Variants in ABCC10 observed in about 807,000 individuals in gnomAD.
The protein encoded by ABCC10 is ATP binding cassette subfamily C member 10.
Under a neutral mutation model 143.2 loss-of-function variants are expected in ABCC10, and 110 were observed. The ratio of observed to expected loss-of-function variants is 0.77; its 90% confidence interval spans 0.66 to 0.90. The LOEUF is 0.90. Among genes scored for constraint, ABCC10 ranks in the 40% least tolerant of loss-of-function variants. The pLI is 0.00. For missense variants in ABCC10, 1,700 were observed against 1,900.5 expected (o/e 0.89, Z 1.96); for synonymous variants, 805 against 846.7 (o/e 0.95, Z 0.85).
At chr6:43,439,341 AC>A (rs1309733947) in intron 8 of ABCC10, among the ~76,000 whole-genome samples, 1 of 151,968 alleles carries the variant, frequency 6.6e-6, no homozygotes, top group Non-Finnish European at 1.5e-5. Flanking sequence ...AGCACTTTTA[AC>A]CTTGACCATG....
intron 8 of ABCC10, 147 bp from the exon 9 acceptor site, chr6:43,441,715 C>T (rs1453118127): frequency 3.4e-6 from 2 of 587,736 alleles, no homozygotes; most frequent in African/African-American, 3.7e-5. Context: ...TATGTCTTGT[C>T]TCCTCTGACT....
rs1048091057 is a variant in ABCC10, at chr6:43,438,161, G to C, written c.1955+148G>C. The C allele has an allele frequency of 5.0e-6, 5 of 1,008,058 alleles. No homozygotes were observed. In the African/African-American group the frequency reaches 6.5e-5, roughly 13 times the overall value. The allele number at this position is 1,008,058 out of a possible 1,614,324, so 62.4% of individuals were successfully genotyped here. Reference sequence around the variant, plus strand: ...ATTGGGAGAGTTTTCAATCTGGAAAGAAGGAGGTGGCCAAGAAAGCGAATC... The same window carrying C: ...ATTGGGAGAGTTTTCAATCTGGAAACAAGGAGGTGGCCAAGAAAGCGAATC... On this transcript the variant is annotated intron_variant, in intron 7 of 21. Transcript: ENST00000372530.
chr6:43,433,373 T>A lies in ABCC10; in HGVS notation c.1380+13T>A. ...TGCGCGGGTTAAGGTGAGCGGGTAC[T>A]TGGGGTCCCTCAGCTATCTGGAGAC... On this transcript the variant is annotated intron_variant, in intron 3 of 21. Transcript: ENST00000372530. 1 of 1,591,768 alleles carries A rather than the reference T, an allele frequency of 6.3e-7. No homozygotes were observed. Among genetic ancestry groups the A allele is most frequent in the Non-Finnish European group, 8.6e-7 (1 of 1,165,510 alleles).
intron 4 of ABCC10, 63 bp from the exon 5 acceptor site, chr6:43,435,688 C>T: frequency 1.3e-6 from 2 of 1,571,706 alleles, no homozygotes; most frequent in South Asian, 1.2e-5. Flanking sequence ...GTCCACAGGG[C>T]TTCCCATAGA....
In ABCC10 at chr6:43,434,830, C is replaced by T; in HGVS notation, c.1590C>T (p.His530=). The change falls in exon 4 of 22, where the codon CAC becomes CAT. Residue 530 remains histidine (H), a synonymous_variant. Coordinates refer to ENST00000372530, the MANE Select transcript of ABCC10 (RefSeq NM_001198934.2). ...VIFITYVLMG[H]QLTATKVFTA... is the part of the protein sequence containing the mutation. ...TCATCACCTATGTCCTCATGGGGCACCAGCTCACTGCCACCAAGGTGAGGA... is the reference window on the plus strand; with the variant it reads ...TCATCACCTATGTCCTCATGGGGCATCAGCTCACTGCCACCAAGGTGAGGA... The T allele has an allele frequency of 6.2e-7, 1 of 1,614,124 alleles. No individual in the cohort carries two copies. Among genetic ancestry groups the T allele is most frequent in the Non-Finnish European group, 8.5e-7 (1 of 1,180,000 alleles).
chr6:43,448,057 A>G, intron 18 of ABCC10, 120 bp downstream of exon 18: 1 of 1,468,634 alleles, frequency 6.8e-7, no homozygotes, highest in Non-Finnish European at 9.3e-7. Flanking sequence ...CAGGGGGCTG[A>G]AATGGAGGAC....
Position 43,438,765 on chromosome 6 carries a change from AG to A in ABCC10, c.2098del (p.Glu700LysfsTer74). 1 of 1,614,220 alleles carries A rather than the reference AG, an allele frequency of 6.2e-7. No individual in the cohort carries two copies. Among genetic ancestry groups the A allele is most frequent in the Non-Finnish European group, 8.5e-7 (1 of 1,180,038 alleles). On this transcript the variant is annotated frameshift_variant, in exon 8 of 22. Transcript: ENST00000372530. LOFTEE classifies it high-confidence loss of function. ...FDAQLYKEVL[E>X]ACALNDDLSI... ...ATGCACAGCTGTACAAGGAGGTGCT[AG>A]AAGCCTGCGCCCTCAATGATGACCT...
At chr6:43,428,673 G>A (rs1780763005) in intron 2 of ABCC10, among the ~76,000 whole-genome samples, 1 of 152,178 alleles carries the variant, frequency 6.6e-6, no homozygotes, top group South Asian at 2.1e-4. Context: ...GCTATAAGGT[G>A]TGGATGCTAA....
chr6:43,444,403 G>A, intron 12 of ABCC10, 50 bp downstream of exon 12: 1 of 1,540,002 alleles, frequency 6.5e-7, no homozygotes, highest in Non-Finnish European at 8.7e-7. Flanking sequence ...GTGCTGTCTA[G>A]GTGCCCATTA....
At chr6:43,437,632 C>A (rs1437072018) in intron 6 of ABCC10, among the ~76,000 whole-genome samples, 1 of 152,080 alleles carries the variant, frequency 6.6e-6, no homozygotes, top group East Asian at 1.9e-4. Flanking sequence ...TCAGAGTTTA[C>A]CTTGGAAGTT....
At chr6:43,427,868 C>T (rs1348203332) in intron 1 of ABCC10, 100 bp from the exon 2 acceptor site, 3 of 1,400,812 alleles carry the variant, frequency 2.1e-6, no homozygotes, top group East Asian at 2.3e-5. Context: ...CGGGCGGTCC[C>T]GGTTCCAGGG....
intron 2 of ABCC10, among the ~76,000 whole-genome samples, chr6:43,429,410 G>GTGTGTGTGTGTGT (rs555695734): frequency 1.5e-4 from 5 of 33,440 alleles, no homozygotes; most frequent in South Asian, 2.2e-3. Context: ...GTGTGTGTGT[G>GTGTGTGTGTGTGT]GCGGGGGGGA....
At chr6:43,433,409 C>G (rs559645654) in intron 3 of ABCC10, 49 bp downstream of exon 3, 9 of 1,529,310 alleles carry the variant, frequency 5.9e-6, no homozygotes, top group Admixed American at 2.0e-5. Context: ...CCCACCCAGC[C>G]CAGGTCCCCA....
At chr6:43,447,180 C>A in intron 16 of ABCC10, 68 bp from the exon 17 acceptor site, 1 of 1,551,906 alleles carries the variant, frequency 6.4e-7, no homozygotes, top group Non-Finnish European at 8.7e-7. Context: ...CAGTCCACAG[C>A]CTGGGGAGTC....
chr6:43,427,616 C>A lies in ABCC10; in HGVS notation c.-153C>A. The stretch of plus-strand genomic sequence containing the variant: ...GGGGTGCCAGCCGGGGCGGGCCCAG[C>A]ACCCCGGCCGGGCAGTACTTTTTTT... On this transcript the variant is annotated 5_prime_UTR_variant, in exon 1 of 22. Transcript: ENST00000372530. 5.9e-6 allele frequency: 2 copies of A among 340,224 alleles called. 1 individual carries two copies. The highest frequency in any genetic ancestry group is 5.0e-5 in the South Asian group (2 of 40,070). 21.1% of individuals were successfully genotyped at this position (340,224 alleles called of 1,614,324 possible). A position where few individuals can be genotyped will look rare whatever the true frequency, so the allele number is the denominator to read the frequency against.
chr6:43,442,861 G>T (rs1032111149), intron 9 of ABCC10, 109 bp from the exon 10 acceptor site: 20 of 1,009,494 alleles, frequency 2.0e-5, no homozygotes, highest in Non-Finnish European at 2.7e-5. Context: ...CTCTGCTAGT[G>T]TAGGGGTAGC....
Position 43,447,845 on chromosome 6 carries a change from G to A in ABCC10, c.3867G>A (p.Leu1289=). 1.2e-5 allele frequency: 19 copies of A among 1,613,880 alleles called. No homozygotes were observed. Among genetic ancestry groups the A allele is most frequent in the Non-Finnish European group, 1.6e-5 (19 of 1,180,036 alleles). ...VGRTGSGKSS[L]LLVLFRLLEP... ...GCACAGGCTCCGGCAAGTCTTCCCT[G>A]TTGTTGGTGCTCTTCCGGCTGCTAG... is the stretch of plus-strand genomic sequence containing the variant. The change falls in exon 18 of 22, where the codon CTG becomes CTA. Residue 1289 remains leucine, a synonymous_variant. Coordinates refer to ENST00000372530, the MANE Select transcript of ABCC10 (RefSeq NM_001198934.2).
At chr6:43,436,365 CAGGAGGGATAGGCATTTGGTG>C in intron 6 of ABCC10, 118 bp downstream of exon 6, 1 of 1,283,954 alleles carries the variant, frequency 7.8e-7, no homozygotes. Flanking sequence ...CTAATTGCTG[CAGGAGGGATAGGCATTTGGTG>C]AGCAGGTTCT....
Position 43,445,169 on chromosome 6 carries a change from C to T in ABCC10, c.2885C>T (p.Ser962Leu). 1 of 1,614,116 alleles carries T rather than the reference C, an allele frequency of 6.2e-7. No individual in the cohort carries two copies. Among genetic ancestry groups the T allele is most frequent in the South Asian group, 1.1e-5 (1 of 91,080 alleles). Residue 962 changes from serine (S) to leucine (L), a missense_variant, in exon 14 of 22, where the codon TCA (serine) becomes TTA (leucine). Transcript: ENST00000372530. The part of the protein sequence containing the change: ...PLPKAAPNGS[S>L]DIRFYLTVYA... ...CCCAAAGCTGCCCCCAATGGCTCCT[C>T]AGACATCCGTTTCTACCTCACCGTG...
Sources: gnomAD v4.1 joint callset for allele counts (sites outside exome capture counted in the v4.1 genomes callset) on GRCh38, gnomAD v4.1.1 for gene constraint, MANE v1.5 for transcripts, NCBI Gene and HGNC (gene_info 2026-07-23, HGNC 2026-07-21) for gene names.